Variants in CNOT2 observed in about 807,000 individuals in gnomAD.
CNOT2 encodes CC chemokine receptor 4-negative regulator of transcription 2.
In CNOT2, 7 loss-of-function variants were observed where a neutral mutation model predicts 72.1. The observed-to-expected ratio is 0.10, with a 90% CI of 0.06 to 0.18. CNOT2 has a LOEUF of 0.18. Among genes scored for constraint, CNOT2 ranks in the 10% least tolerant of loss-of-function variants. The pLI, the probability that CNOT2 is intolerant of heterozygous loss-of-function variation, is 1.00. For synonymous variants in CNOT2, 196 were observed against 225.6 expected (o/e 0.87, Z 1.17); for missense variants, 345 against 660.3 (o/e 0.52, Z 5.23).
intron 1 of CNOT2, chr12:70,244,344 A>T (rs1198571865): frequency 6.6e-6 from 1 of 152,156 alleles, no homozygotes; most frequent in Non-Finnish European, 1.5e-5. Context: ...TTAAAAGTTT[A>T]ACAGAAGAAA....
At chr12:70,243,216 T>TG (rs1042929188), upstream of CNOT2, 2 of 152,466 alleles carry the variant, frequency 1.3e-5, no homozygotes, top group Non-Finnish European at 2.9e-5. Flanking sequence ...TGTGAGTCGG[T>TG]GGGAGACAAG....
chr12:70,278,302 C>G (rs369177196), intron 2 of CNOT2, 28 bp downstream of exon 2: 9 of 1,515,940 alleles, frequency 5.9e-6, no homozygotes, highest in East Asian at 2.3e-5. Context: ...TCTTTTTTCT[C>G]TATTGGTCTT....
At chr12:70,251,297 A>G (rs981180844) in intron 1 of CNOT2, among the ~76,000 whole-genome samples, 2 of 152,102 alleles carry the variant, frequency 1.3e-5, no homozygotes, top group East Asian at 3.9e-4. Context: ...GGCTTCAAGG[A>G]GGTGATAAGT....
chr12:70,302,934 T>C (rs1288273564), intron 2 of CNOT2, among the ~76,000 whole-genome samples: 3 of 151,888 alleles, frequency 2.0e-5, no homozygotes, highest in Non-Finnish European at 4.4e-5. Flanking sequence ...GGATAGTTAG[T>C]TCTTCTTGTT....
At chr12:70,317,948 A>G (rs1419832417) in intron 3 of CNOT2, among the ~76,000 whole-genome samples, 1 of 151,608 alleles carries the variant, frequency 6.6e-6, no homozygotes, top group Non-Finnish European at 1.5e-5. Flanking sequence ...TGTCAGCATG[A>G]TTTTTCATCC....
intron 14 of CNOT2, chr12:70,345,566 C>G (rs1337219544): frequency 6.6e-6 from 1 of 152,114 alleles, no homozygotes; most frequent in African/African-American, 2.4e-5. Flanking sequence ...GATGTTACTT[C>G]CTCAGTTTAC....
chr12:70,248,234 C>G (rs1305661486), intron 1 of CNOT2, among the ~76,000 whole-genome samples: 1 of 152,146 alleles, frequency 6.6e-6, no homozygotes, highest in African/African-American at 2.4e-5. Flanking sequence ...CCTTTTTCCT[C>G]CTAATGCCTG....
At chr12:70,349,422 A>AT (rs1430506606) in intron 15 of CNOT2, among the ~76,000 whole-genome samples, 1 of 152,192 alleles carries the variant, frequency 6.6e-6, no homozygotes, top group African/African-American at 2.4e-5. Context: ...ATGAATTAAC[A>AT]TTTTAAATAA....
At chr12:70,251,917 T>G (rs1379816962) in intron 1 of CNOT2, among the ~76,000 whole-genome samples, 1 of 152,212 alleles carries the variant, frequency 6.6e-6, no homozygotes, top group Non-Finnish European at 1.5e-5. Context: ...TTAACATTCT[T>G]GGATAAATTG....
chr12:70,321,766 T>C (rs886134908), intron 4 of CNOT2: 2 of 151,450 alleles, frequency 1.3e-5, no homozygotes, highest in African/African-American at 2.4e-5. Flanking sequence ...GTGCCCTCTC[T>C]AGAAGTAAGA....
intron 4 of CNOT2, among the ~76,000 whole-genome samples, chr12:70,328,122 G>C (rs1362283323): frequency 6.6e-6 from 1 of 151,812 alleles, no homozygotes; most frequent in Non-Finnish European, 1.5e-5. Context: ...GAATCTGAGT[G>C]AAAAGTATAT....
chr12:70,289,152 G>A (rs1478188688), intron 2 of CNOT2, among the ~76,000 whole-genome samples: 1 of 151,394 alleles, frequency 6.6e-6, no homozygotes, highest in Non-Finnish European at 1.5e-5. Flanking sequence ...CACTTCTAGT[G>A]GTGATGAATT....
At chr12:70,318,129 G>C (rs1877670525) in intron 3 of CNOT2, among the ~76,000 whole-genome samples, 1 of 151,890 alleles carries the variant, frequency 6.6e-6, no homozygotes, top group Admixed American at 6.6e-5. Flanking sequence ...TAGTATCTCA[G>C]CATATCCCAT....
At chr12:70,314,067 T>C (rs1876917553) in intron 3 of CNOT2, among the ~76,000 whole-genome samples, 1 of 152,176 alleles carries the variant, frequency 6.6e-6, no homozygotes, top group African/African-American at 2.4e-5. Context: ...TCAATATAGA[T>C]GGTTTTTCGG....
chr12:70,345,307 T>C (rs1300717018), intron 14 of CNOT2: 1 of 152,204 alleles, frequency 6.6e-6, no homozygotes, highest in Non-Finnish European at 1.5e-5. Flanking sequence ...TAATGAATTG[T>C]TTCGTTTCAT....
intron 2 of CNOT2, among the ~76,000 whole-genome samples, chr12:70,284,576 CTTTTT>C (rs34386691): frequency 2.1e-5 from 2 of 94,984 alleles, no homozygotes; most frequent in Non-Finnish European, 4.2e-5. Flanking sequence ...AAAATTTGAC[CTTTTT>C]TTTTTTTTTT....
chr12:70,319,358 C>A lies in CNOT2; in HGVS notation c.232C>A (p.Gln78Lys), dbSNP rs1332801287. The change falls in exon 4 of 16, where the codon CAA becomes AAA. Residue 78 changes from glutamine (Q) to lysine (K), a missense_variant. Transcript: ENST00000229195. ...TCAGTTTGGGGCAAGTTTATACGGG[C>A]AACAAAGTAAGAATTTTGTATTTAT... ...LSQFGASLYG[Q>K]QSALGLPMRG... The A allele has an allele frequency of 2.5e-6, 4 of 1,609,710 alleles. No homozygotes were observed. Among genetic ancestry groups the A allele is most frequent in the Non-Finnish European group, 3.4e-6 (4 of 1,177,164 alleles).
intron 14 of CNOT2, 48 bp from the exon 15 acceptor site, chr12:70,346,132 T>A (rs776420913): frequency 7.6e-7 from 1 of 1,314,094 alleles, no homozygotes; most frequent in Non-Finnish European, 1.1e-6. Context: ...ACATGTTTGA[T>A]GTAAGCCACA....
chr12:70,318,076 C>G (rs1877662682), intron 3 of CNOT2, among the ~76,000 whole-genome samples: 1 of 151,884 alleles, frequency 6.6e-6, no homozygotes, highest in Non-Finnish European at 1.5e-5. Context: ...CTTCTACCAC[C>G]AGAATGCGTC....
Sources: gnomAD v4.1 joint callset for allele counts (sites outside exome capture counted in the v4.1 genomes callset) on GRCh38, gnomAD v4.1.1 for gene constraint, MANE v1.5 for transcripts, NCBI Gene and HGNC (gene_info 2026-07-23, HGNC 2026-07-21) for gene names.